The following GRIN2A variants were observed in gnomAD, a reference collection of about 807,000 sequenced individuals.
GRIN2A encodes glutamate ionotropic receptor NMDA type subunit 2A, also known as glutamate receptor ionotropic, NMDA 2A.
A neutral mutation model predicts 113.4 loss-of-function variants in GRIN2A; 22 were observed. That is an observed-to-expected ratio of 0.19 (90% CI 0.14 to 0.28). The LOEUF (loss-of-function observed/expected upper bound fraction) is 0.28, where lower values mean the gene tolerates loss of function less well. Ranked by LOEUF, GRIN2A falls within the 10% of genes least tolerant of loss-of-function variation. The pLI is 1.00. For synonymous variants in GRIN2A, 827 were observed against 738.4 expected (o/e 1.12, Z -1.94); for missense variants, 1,502 against 1,887.0 (o/e 0.80, Z 3.78).
intron 2 of GRIN2A, among the ~76,000 whole-genome samples, chr16:10,088,435 A>C (rs1186701756): frequency 6.6e-6 from 1 of 152,024 alleles, no homozygotes; most frequent in African/African-American, 2.4e-5. Flanking sequence ...CTGCGTCCTC[A>C]CCTCTGTGCT....
intron 3 of GRIN2A, among the ~76,000 whole-genome samples, chr16:9,907,870 T>C (rs1358612421): frequency 6.6e-6 from 1 of 152,164 alleles, no homozygotes; most frequent in African/African-American, 2.4e-5. Flanking sequence ...TTCTCTTCTT[T>C]GCTGGAGGGT....
At chr16:10,157,404 C>G (rs556248941) in intron 2 of GRIN2A, among the ~76,000 whole-genome samples, 1 of 152,164 alleles carries the variant, frequency 6.6e-6, no homozygotes, top group East Asian at 1.9e-4. Flanking sequence ...CTAACACTTG[C>G]TAATTATTTA....
chr16:10,104,655 T>G (rs1030988365), intron 2 of GRIN2A, among the ~76,000 whole-genome samples: 1 of 152,154 alleles, frequency 6.6e-6, no homozygotes, highest in African/African-American at 2.4e-5. Flanking sequence ...GGTGCGCACA[T>G]GACAGAGACA....
chr16:9,847,712 GT>G (rs2042800568), intron 5 of GRIN2A, among the ~76,000 whole-genome samples: 1 of 147,436 alleles, frequency 6.8e-6, no homozygotes, highest in Non-Finnish European at 1.5e-5. Flanking sequence ...AATATGTAAT[GT>G]TTTATATATT....
chr16:10,088,533 C>A (rs796104222), intron 2 of GRIN2A, among the ~76,000 whole-genome samples: 1 of 152,222 alleles, frequency 6.6e-6, no homozygotes, highest in Non-Finnish European at 1.5e-5. Context: ...ACAAGATCAG[C>A]GTCTGATCCT....
intron 2 of GRIN2A, among the ~76,000 whole-genome samples, chr16:10,113,245 C>T (rs567689430): frequency 1.1e-3 from 164 of 152,268 alleles, no homozygotes; most frequent in Non-Finnish European, 1.6e-3. Context: ...TGCCCCCAGC[C>T]CCCCCAGGAA....
At chr16:9,943,705 T>C (rs988509741) in intron 2 of GRIN2A, among the ~76,000 whole-genome samples, 2 of 152,196 alleles carry the variant, frequency 1.3e-5, no homozygotes, top group East Asian at 3.9e-4. Flanking sequence ...CATGGCCCCA[T>C]GGTGATGGCA....
intron 2 of GRIN2A, among the ~76,000 whole-genome samples, chr16:10,034,535 CAAAAAAAAAAAAAAAAAAAAA>C (rs58076569): frequency 1.9e-4 from 7 of 36,430 alleles, no homozygotes; most frequent in African/African-American, 6.7e-4. Flanking sequence ...CAAAAAAAAG[CAAAAAAAAAAAAAAAAAAAAA>C]AAAAAAAACT....
intron 2 of GRIN2A, among the ~76,000 whole-genome samples, chr16:9,977,472 T>G (rs1452798580): frequency 6.6e-6 from 1 of 152,238 alleles, no homozygotes; most frequent in Non-Finnish European, 1.5e-5. Context: ...AAAGTTAATT[T>G]CATTGCATGC....
chr16:9,959,355 C>A (rs981037849), intron 2 of GRIN2A, among the ~76,000 whole-genome samples: 1 of 152,212 alleles, frequency 6.6e-6, no homozygotes, highest in Non-Finnish European at 1.5e-5. Flanking sequence ...GTTCTGTCTC[C>A]TCCTCCTATT....
intron 11 of GRIN2A, among the ~76,000 whole-genome samples, chr16:9,790,082 A>C (rs1462486686): frequency 6.6e-6 from 1 of 152,178 alleles, no homozygotes; most frequent in Non-Finnish European, 1.5e-5. Context: ...TCTTGCCTCT[A>C]CTGTGCTGCA....
chr16:10,118,372 T>C (rs530080578), intron 2 of GRIN2A, among the ~76,000 whole-genome samples: 12 of 152,188 alleles, frequency 7.9e-5, no homozygotes, highest in Admixed American at 2.0e-4. Context: ...ACGCAGCAAT[T>C]GTAGTTTTTC....
rs1425467524 is a variant in GRIN2A, at chr16:9,760,249, T to C, written c.*2900A>G. The C allele has an allele frequency of 2.2e-5, 5 of 228,858 alleles. No homozygotes were observed. In the East Asian group the frequency reaches 3.1e-4, roughly 14 times the overall value. The allele number at this position is 228,858 out of a possible 1,614,324, so 14.2% of individuals were successfully genotyped here. On this transcript the variant is annotated 3_prime_UTR_variant, in exon 13 of 13. Coordinates refer to ENST00000330684, the MANE Select transcript of GRIN2A (RefSeq NM_001134407.3). The stretch of plus-strand genomic sequence containing the variant: ...TTAATTCTTGTTACTTCTCATACTG[T>C]GGGTTCCATTTACCACTGGACGTTA...
chr16:10,152,852 G>A (rs1020671373), intron 2 of GRIN2A, among the ~76,000 whole-genome samples: 3 of 152,200 alleles, frequency 2.0e-5, no homozygotes, highest in African/African-American at 4.8e-5. Flanking sequence ...GTTACATACT[G>A]TATGATTCCA....
At chr16:10,023,554 G>A (rs563968756) in intron 2 of GRIN2A, among the ~76,000 whole-genome samples, 1 of 152,342 alleles carries the variant, frequency 6.6e-6, no homozygotes, top group East Asian at 1.9e-4. Context: ...TACTGCTGAT[G>A]TGAGTACTAA....
At chr16:10,175,936 T>G (rs1342833416) in intron 2 of GRIN2A, among the ~76,000 whole-genome samples, 2 of 152,078 alleles carry the variant, frequency 1.3e-5, no homozygotes, top group African/African-American at 4.8e-5. Context: ...CAAGCCAAGA[T>G]AAGATTAGAA....
At chr16:10,179,791 T>G in intron 2 of GRIN2A, 1 of 612,420 alleles carries the variant, frequency 1.6e-6, no homozygotes, top group Non-Finnish European at 3.0e-6. Context: ...GTACACCATT[T>G]TCAGAAACAA....
At chr16:9,790,382 C>T (rs898771799) in intron 11 of GRIN2A, among the ~76,000 whole-genome samples, 2 of 152,162 alleles carry the variant, frequency 1.3e-5, no homozygotes, top group African/African-American at 4.8e-5. Flanking sequence ...GGTCATATCC[C>T]CTCTGTGGCT....
chr16:10,113,002 T>C (rs2048649128), intron 2 of GRIN2A: 2 of 312,920 alleles, frequency 6.4e-6, no homozygotes, highest in Non-Finnish European at 1.3e-5. Context: ...CCAGCTCCTT[T>C]CCAGGGAGAG....
Sources: allele counts gnomAD v4.1 joint callset (sites outside exome capture counted in the v4.1 genomes callset), GRCh38; gene constraint gnomAD v4.1.1; transcripts MANE v1.5; gene names NCBI Gene and HGNC (gene_info 2026-07-23, HGNC 2026-07-21).